The following CHM variants were observed in gnomAD, a reference collection of about 807,000 sequenced individuals.
The protein encoded by CHM is rab proteins geranylgeranyltransferase component A 1.
Under a neutral mutation model 49.0 loss-of-function variants are expected in CHM, and 10 were observed. The ratio of observed to expected loss-of-function variants is 0.20; its 90% CI spans 0.13 to 0.35. The LOEUF (loss-of-function observed/expected upper bound fraction) is 0.35, where lower values mean the gene tolerates loss of function less well. Among genes scored for constraint, CHM ranks in the 10% least tolerant of loss-of-function variants. The pLI, the probability that CHM is intolerant of heterozygous loss-of-function variation, is 1.00. For missense variants in CHM, 455 were observed against 478.4 expected, an observed-to-expected ratio of 0.95 and a Z score of 0.46; for synonymous variants, 184 against 167.5, an observed-to-expected ratio of 1.10 and a Z score of -0.76.
chrX:85,875,289 A>C (rs961751114), intron 13 of CHM, among the ~76,000 whole-genome samples: 1 of 111,953 alleles, frequency 8.9e-6, no homozygotes, highest in Non-Finnish European at 1.9e-5. Flanking sequence ...TGTGAAGTGC[A>C]AAACTGTCAA....
At chrX:85,977,816 G>GA (rs1234777317) in intron 4 of CHM, among the ~76,000 whole-genome samples, 1 of 111,054 alleles carries the variant, frequency 9.0e-6, no homozygotes, top group Non-Finnish European at 1.9e-5. Context: ...TGCTTTTACA[G>GA]AAAATCACAG....
intron 8 of CHM, among the ~76,000 whole-genome samples, chrX:85,926,587 G>GA (rs1166788168): frequency 4.3e-4 from 47 of 110,221 alleles, no homozygotes; most frequent in Admixed American, 1.5e-3. Context: ...GAAAAAAAAA[G>GA]AAAAAAACTA....
chrX:86,006,559 G>C (rs1481493908), intron 2 of CHM, among the ~76,000 whole-genome samples: 4 of 112,137 alleles, frequency 3.6e-5, no homozygotes, highest in African/African-American at 1.3e-4. Flanking sequence ...AGCAACTTCA[G>C]CAAAGTCTCA....
chrX:85,909,449 T>A (rs1326888195), intron 9 of CHM, among the ~76,000 whole-genome samples: 2 of 111,254 alleles, frequency 1.8e-5, no homozygotes, highest in Non-Finnish European at 3.8e-5. Flanking sequence ...GCATTCCCCC[T>A]AAGCATATTA....
chrX:85,982,926 C>G (rs1931710467), intron 2 of CHM, among the ~76,000 whole-genome samples: 1 of 110,628 alleles, frequency 9.0e-6, no homozygotes, highest in African/African-American at 3.3e-5. Flanking sequence ...GTCCTTGAGC[C>G]CAGAAGTTCA....
chrX:86,047,246 C>T (rs760299788), intron 1 of CHM: 95 of 441,080 alleles, frequency 2.2e-4, no homozygotes, highest in Non-Finnish European at 3.2e-4. Flanking sequence ...CAGCAACCAA[C>T]CTCAGCAATC....
At chrX:85,902,785 G>T (rs947478856) in intron 9 of CHM, among the ~76,000 whole-genome samples, 2 of 111,948 alleles carry the variant, frequency 1.8e-5, no homozygotes, top group African/African-American at 3.2e-5. Context: ...ATTGAGAAGA[G>T]AAATCTGCTG....
chrX:85,905,704 G>A (rs1218748993), intron 9 of CHM, among the ~76,000 whole-genome samples: 2 of 111,075 alleles, frequency 1.8e-5, no homozygotes, highest in Non-Finnish European at 3.8e-5. Context: ...CAGAATTTGC[G>A]GGGTTACAAA....
At chrX:85,926,763 G>A (rs1928106995) in intron 8 of CHM, among the ~76,000 whole-genome samples, 1 of 110,598 alleles carries the variant, frequency 9.0e-6, no homozygotes, top group Non-Finnish European at 1.9e-5. Flanking sequence ...AGGGCACTCT[G>A]GCCTCATTTG....
chrX:85,935,899 C>G (rs1365614913), intron 8 of CHM, among the ~76,000 whole-genome samples: 4 of 112,088 alleles, frequency 3.6e-5, no homozygotes, highest in Admixed American at 9.5e-5. Context: ...TAACAGAGTT[C>G]TTTTTACAAA....
In CHM at chrX:86,010,354, T is replaced by TA. The variant is rs746894699; in HGVS notation, c.116+17136dup. ...TGTACCCTAGAACTTAAAGGATAATTAAAAAAAAAAAAAAGAAAGAAAAAA... is the reference window on the plus strand; with the variant it reads ...TGTACCCTAGAACTTAAAGGATAATTAAAAAAAAAAAAAAAGAAAGAAAAAA... On this transcript the variant is annotated intron_variant, in intron 2 of 14. Transcript: ENST00000357749. 1.9e-3 allele frequency among the ~76,000 whole-genome samples: 170 copies of TA among 89,260 alleles called. 1 individual carries two copies. Among genetic ancestry groups the TA allele is most frequent in the African/African-American group, 4.5e-3 (111 of 24,762 alleles). The allele number at this position is 89,260 out of a possible 115,157, so 77.5% of individuals were successfully genotyped here.
chrX:86,029,634 G>A, intron 1 of CHM, among the ~76,000 whole-genome samples: 1 of 111,379 alleles, frequency 9.0e-6, no homozygotes. Context: ...CAAGTAATTT[G>A]GTAATTCCAT....
chrX:86,046,660 TA>T (rs1330847222), intron 1 of CHM, among the ~76,000 whole-genome samples: 2 of 110,973 alleles, frequency 1.8e-5, no homozygotes, highest in East Asian at 2.8e-4. Context: ...CTTACACTAT[TA>T]AAAAAAATTG....
chrX:85,889,296 A>G (rs775716920), intron 12 of CHM, among the ~76,000 whole-genome samples: 34 of 112,220 alleles, frequency 3.0e-4, no homozygotes, highest in African/African-American at 1.1e-3. Context: ...AATGGGAGAG[A>G]ATATTCACAA....
intron 9 of CHM, among the ~76,000 whole-genome samples, chrX:85,908,379 T>C (rs1926731983): frequency 8.9e-6 from 1 of 112,063 alleles, no homozygotes; most frequent in Non-Finnish European, 1.9e-5. Context: ...TACGCTGACC[T>C]GAGCCAACTT....
At chrX:86,028,797 A>G (rs1047190014) in intron 1 of CHM, among the ~76,000 whole-genome samples, 1 of 111,572 alleles carries the variant, frequency 9.0e-6, no homozygotes, top group South Asian at 3.7e-4. Context: ...TAGTGCTACT[A>G]CGAACTCCTT....
chrX:85,951,971 G>C (rs1463368183), intron 8 of CHM, among the ~76,000 whole-genome samples: 1 of 112,071 alleles, frequency 8.9e-6, no homozygotes, highest in African/African-American at 3.2e-5. Flanking sequence ...TGTCAGTGGA[G>C]AGCAAAGCTA....
intron 3 of CHM, among the ~76,000 whole-genome samples, chrX:85,981,012 T>C (rs1470748877): frequency 1.8e-5 from 2 of 109,147 alleles, no homozygotes; most frequent in Non-Finnish European, 3.8e-5. Context: ...TTTTCTTTTT[T>C]TTCAAAAAAG....
At chrX:85,896,850 G>A (rs925638435) in intron 11 of CHM, among the ~76,000 whole-genome samples, 40 of 97,793 alleles carry the variant, frequency 4.1e-4, no homozygotes, top group African/African-American at 1.1e-3. Flanking sequence ...TATATAATAC[G>A]TATTATATAT....
Sources: allele counts gnomAD v4.1 joint callset (sites outside exome capture counted in the v4.1 genomes callset), GRCh38; gene constraint gnomAD v4.1.1; transcripts MANE v1.5; gene names NCBI Gene and HGNC (gene_info 2026-07-23, HGNC 2026-07-21).